The following GPR39 variants were observed in gnomAD, a reference collection of about 807,000 sequenced individuals.
GPR39 encodes zinc sensing receptor.
GPR39 carries 23 observed loss-of-function variants against 18.4 expected under a neutral mutation model. That is an observed-to-expected ratio of 1.25 (90% CI 0.90 to 1.77). The LOEUF (loss-of-function observed/expected upper bound fraction) is 1.77, where lower values mean the gene tolerates loss of function less well. Ranked by LOEUF, GPR39 falls within the 40% of genes most tolerant of loss-of-function variation. The pLI is 0.00. For synonymous variants in GPR39, 280 were observed against 257.9 expected (o/e 1.09, Z -0.82); for missense variants, 647 against 602.4 (o/e 1.07, Z -0.78).
intron 1 of GPR39, among the ~76,000 whole-genome samples, chr2:132,466,342 A>C (rs1484337826): frequency 6.6e-6 from 1 of 152,242 alleles, no homozygotes; most frequent in Non-Finnish European, 1.5e-5. Context: ...GAGAAAGATA[A>C]AACCTATACT....
intron 1 of GPR39, among the ~76,000 whole-genome samples, chr2:132,443,462 T>C (rs1428791452): frequency 2.6e-5 from 4 of 152,210 alleles, no homozygotes; most frequent in Non-Finnish European, 4.4e-5. Context: ...ATAAATTACA[T>C]GAGATATTCA....
chr2:132,590,694 G>A (rs1680811029), intron 1 of GPR39, among the ~76,000 whole-genome samples: 1 of 146,696 alleles, frequency 6.8e-6, no homozygotes, highest in Non-Finnish European at 1.5e-5. Flanking sequence ...CTTACTGTCA[G>A]CATGATGAGT....
intron 1 of GPR39, among the ~76,000 whole-genome samples, chr2:132,578,206 G>T (rs1412936323): frequency 1.3e-5 from 2 of 151,010 alleles, no homozygotes; most frequent in African/African-American, 2.4e-5. Flanking sequence ...CTCAAATATT[G>T]CATCAGCCTT....
intron 1 of GPR39, among the ~76,000 whole-genome samples, chr2:132,513,382 G>A (rs1679274380): frequency 6.6e-6 from 1 of 151,948 alleles, no homozygotes; most frequent in Admixed American, 6.6e-5. Context: ...AGGATGGCGT[G>A]AACCTGGGAG....
intron 1 of GPR39, among the ~76,000 whole-genome samples, chr2:132,532,765 T>C (rs1249462056): frequency 6.6e-6 from 1 of 152,082 alleles, no homozygotes; most frequent in African/African-American, 2.4e-5. Context: ...TCTCAATAGA[T>C]GCAGAAAAGG....
chr2:132,498,395 G>A (rs1681689149), intron 1 of GPR39, among the ~76,000 whole-genome samples: 1 of 152,158 alleles, frequency 6.6e-6, no homozygotes, highest in South Asian at 2.1e-4. Context: ...TCAGGTTGCT[G>A]CATATGCCAT....
chr2:132,424,644 G>A (rs1176622696), intron 1 of GPR39, among the ~76,000 whole-genome samples: 1 of 152,202 alleles, frequency 6.6e-6, no homozygotes, highest in Non-Finnish European at 1.5e-5. Flanking sequence ...TAGCTAAGGG[G>A]TTTGGAATTT....
intron 1 of GPR39, among the ~76,000 whole-genome samples, chr2:132,580,537 G>A (rs1318760133): frequency 6.6e-6 from 1 of 152,144 alleles, no homozygotes; most frequent in Non-Finnish European, 1.5e-5. Flanking sequence ...ACACTTACTG[G>A]CCATGGTACA....
At chr2:132,427,334 A>AT (rs944129209) in intron 1 of GPR39, among the ~76,000 whole-genome samples, 41 of 146,418 alleles carry the variant, frequency 2.8e-4, no homozygotes, top group Non-Finnish European at 5.1e-4. Flanking sequence ...TGGCTAATAT[A>AT]TTTTTTTTTA....
intron 1 of GPR39, among the ~76,000 whole-genome samples, chr2:132,598,620 G>T (rs111771303): frequency 1.3e-5 from 2 of 151,954 alleles, no homozygotes; most frequent in African/African-American, 4.8e-5. Flanking sequence ...CTGGGGAAAG[G>T]CTATGCTGCT....
intron 1 of GPR39, among the ~76,000 whole-genome samples, chr2:132,601,326 G>T (rs1681038703): frequency 6.6e-6 from 1 of 152,134 alleles, no homozygotes; most frequent in African/African-American, 2.4e-5. Context: ...ATCAATAAAT[G>T]TGATACACAA....
At chr2:132,449,361 C>T (rs775754042) in intron 1 of GPR39, among the ~76,000 whole-genome samples, 6 of 152,192 alleles carry the variant, frequency 3.9e-5, no homozygotes, top group Non-Finnish European at 7.3e-5. Flanking sequence ...ATTCTCCAGC[C>T]TCAGCCTCCT....
intron 1 of GPR39, among the ~76,000 whole-genome samples, chr2:132,428,538 T>G (rs1208660559): frequency 6.6e-6 from 1 of 152,202 alleles, no homozygotes; most frequent in Non-Finnish European, 1.5e-5. Flanking sequence ...AGTCTCGATA[T>G]TCACAGTATG....
At chr2:132,526,202 T>C (rs1282286757) in intron 1 of GPR39, among the ~76,000 whole-genome samples, 4 of 152,208 alleles carry the variant, frequency 2.6e-5, no homozygotes, top group Admixed American at 6.5e-5. Context: ...CCAGACCTTA[T>C]TGGAGATGTT....
intron 1 of GPR39, among the ~76,000 whole-genome samples, chr2:132,452,219 G>A (rs1680642748): frequency 6.6e-6 from 1 of 152,128 alleles, no homozygotes; most frequent in African/African-American, 2.4e-5. Flanking sequence ...TATCTTTGGA[G>A]TCTCATAAAT....
At chr2:132,521,118 A>G (rs4954338) in intron 1 of GPR39, among the ~76,000 whole-genome samples, 71,478 of 151,946 alleles carry the variant, frequency 0.47, 17,694 homozygotes, top group Non-Finnish European at 0.56. Context: ...CGCCTTTCCA[A>G]TGGGAACAAG....
intron 1 of GPR39, among the ~76,000 whole-genome samples, chr2:132,504,168 T>C (rs1679096230): frequency 6.6e-6 from 1 of 152,224 alleles, no homozygotes; most frequent in Non-Finnish European, 1.5e-5. Context: ...GTTCACATTG[T>C]GAGTCTCCAC....
chr2:132,583,688 C>G (rs3109153), intron 1 of GPR39, among the ~76,000 whole-genome samples: 37,329 of 151,442 alleles, frequency 0.25, 4,698 homozygotes, highest in Non-Finnish European at 0.27. Flanking sequence ...CCTGACTGCT[C>G]TGTGACGTCT....
chr2:132,610,497 C>T (rs950709236), intron 1 of GPR39, among the ~76,000 whole-genome samples: 4 of 152,104 alleles, frequency 2.6e-5, no homozygotes, highest in African/African-American at 9.7e-5. Flanking sequence ...GATCTTTTGG[C>T]TGGGCACAGT....
Sources: allele counts gnomAD v4.1 joint callset (sites outside exome capture counted in the v4.1 genomes callset), GRCh38; gene constraint gnomAD v4.1.1; transcripts MANE v1.5; gene names NCBI Gene and HGNC (gene_info 2026-07-23, HGNC 2026-07-21).